PTPRR: variants seen among roughly 807,000 people sequenced by gnomAD.
The protein encoded by PTPRR is receptor-type tyrosine-protein phosphatase R.
Under a neutral mutation model 77.2 loss-of-function variants are expected in PTPRR, and 38 were observed. The ratio of observed to expected loss-of-function variants is 0.49; its 90% confidence interval spans 0.38 to 0.65. The LOEUF (loss-of-function observed/expected upper bound fraction) is 0.65. Ranked by LOEUF, PTPRR falls within the 30% of genes least tolerant of loss-of-function variation. The pLI is 0.00. For missense variants in PTPRR, 744 were observed against 799.2 expected (o/e 0.93, Z 0.83); for synonymous variants, 299 against 283.1 (o/e 1.06, Z -0.57).
chr12:70,802,048 T>C (rs769627623), intron 2 of PTPRR, among the ~76,000 whole-genome samples: 16 of 152,178 alleles, frequency 1.1e-4, no homozygotes, highest in Non-Finnish European at 1.9e-4. Context: ...AATCAGTTTG[T>C]CTTTAGCTCA....
chr12:70,874,244 C>G (rs528507647), intron 2 of PTPRR, among the ~76,000 whole-genome samples: 2 of 152,040 alleles, frequency 1.3e-5, no homozygotes, highest in Non-Finnish European at 2.9e-5. Context: ...CAAAAAAAGT[C>G]CCCTGATTTT....
intron 3 of PTPRR, among the ~76,000 whole-genome samples, chr12:70,763,938 G>C (rs1411798944): frequency 6.6e-6 from 1 of 151,634 alleles, no homozygotes; most frequent in African/African-American, 2.4e-5. Context: ...GGAAAGAGAG[G>C]AAATAATGGA....
intron 2 of PTPRR, among the ~76,000 whole-genome samples, chr12:70,850,983 A>C (rs1478420566): frequency 6.6e-6 from 1 of 152,120 alleles, no homozygotes; most frequent in African/African-American, 2.4e-5. Context: ...CTCATATACT[A>C]TGATTTCATA....
intron 6 of PTPRR, among the ~76,000 whole-genome samples, chr12:70,729,392 C>T (rs897320385): frequency 6.6e-6 from 1 of 151,922 alleles, no homozygotes; most frequent in Non-Finnish European, 1.5e-5. Flanking sequence ...CAACCCTGGA[C>T]CAGAGCTGTT....
At chr12:70,727,623 G>T (rs941000265) in intron 6 of PTPRR, among the ~76,000 whole-genome samples, 3 of 152,116 alleles carry the variant, frequency 2.0e-5, no homozygotes, top group Admixed American at 6.5e-5. Flanking sequence ...ACAGCCCTGG[G>T]AAACTCTAAA....
chr12:70,907,391 A>C (rs1893637948), intron 1 of PTPRR, among the ~76,000 whole-genome samples: 1 of 152,278 alleles, frequency 6.6e-6, no homozygotes, highest in South Asian at 2.1e-4. Context: ...TTCCACTGTC[A>C]GCCCAGCATA....
At chr12:70,914,510 C>G (rs760501653) in intron 1 of PTPRR, among the ~76,000 whole-genome samples, 14 of 151,962 alleles carry the variant, frequency 9.2e-5, no homozygotes, top group Non-Finnish European at 7.4e-5. Context: ...GAGTTTGAAA[C>G]CTTTAAGATG....
intron 2 of PTPRR, among the ~76,000 whole-genome samples, chr12:70,838,511 C>A (rs538048812): frequency 1.3e-5 from 2 of 152,092 alleles, no homozygotes; most frequent in Non-Finnish European, 2.9e-5. Flanking sequence ...TTGATTGAGA[C>A]TATTTGGGAG....
intron 8 of PTPRR, among the ~76,000 whole-genome samples, chr12:70,697,824 AC>A (rs199760319): frequency 0.029 from 4,348 of 152,218 alleles, 96 homozygotes; most frequent in South Asian, 0.11. Context: ...TTGACCCTTG[AC>A]AAAAATCAGG....
Position 70,669,505 on chromosome 12 carries a change from CTA to C in PTPRR, c.1498-6902_1498-6901del, listed in dbSNP as rs34973092. Among the ~76,000 whole-genome samples the C allele has an allele frequency of 4.4e-4, 62 of 141,930 alleles. 1 individual carries two copies. In the South Asian group the frequency reaches 0.011, roughly 24 times the overall value. 93.1% of individuals were successfully genotyped at this position (141,930 alleles called of 152,430 possible). A position where few individuals can be genotyped will look rare whatever the true frequency, so the allele number is the denominator to read the frequency against. The stretch of plus-strand genomic sequence containing the variant: ...GTGTGTGTGTGTATATATATACGAG[CTA>C]TATATATATATAAGCTATATATATA... On this transcript the variant is annotated intron_variant, in intron 10 of 13. Transcript: ENST00000283228.
chr12:70,856,247 G>A (rs1345143466), intron 2 of PTPRR, among the ~76,000 whole-genome samples: 4 of 152,132 alleles, frequency 2.6e-5, no homozygotes, highest in Non-Finnish European at 4.4e-5. Context: ...TGTCTATGGT[G>A]GGGAGAAAGA....
intron 8 of PTPRR, among the ~76,000 whole-genome samples, chr12:70,691,102 A>T (rs932588285): frequency 1.3e-5 from 2 of 152,158 alleles, no homozygotes; most frequent in Admixed American, 1.3e-4. Context: ...AACTTCTGAA[A>T]GAGTTTATTA....
intron 4 of PTPRR, chr12:70,754,810 ATC>A: frequency 1.4e-6 from 2 of 1,384,110 alleles, no homozygotes; most frequent in East Asian, 2.6e-5. Flanking sequence ...TTTTAATCAC[ATC>A]TTTTTTTTTT....
chr12:70,650,022 A>G (rs12310405), intron 13 of PTPRR, among the ~76,000 whole-genome samples: 52,015 of 152,128 alleles, frequency 0.34, 11,521 homozygotes, highest in African/African-American at 0.61. Flanking sequence ...GAGGAAATTC[A>G]TCTGTGGTCA....
intron 2 of PTPRR, among the ~76,000 whole-genome samples, chr12:70,886,143 C>T (rs1893236108): frequency 6.6e-6 from 1 of 152,124 alleles, no homozygotes; most frequent in Non-Finnish European, 1.5e-5. Flanking sequence ...CCAGCATCGT[C>T]CTTGCTGCTT....
At chr12:70,687,135 G>C (rs1420132665) in intron 8 of PTPRR, among the ~76,000 whole-genome samples, 2 of 151,766 alleles carry the variant, frequency 1.3e-5, no homozygotes, top group South Asian at 2.1e-4. Flanking sequence ...ATTTAGATTA[G>C]GAAATTGCAG....
chr12:70,661,018 G>T lies in PTPRR; in HGVS notation c.1688C>A (p.Pro563His). ...TACATCCAGCATGAGCTGTAGGAGG[G>T]GCTGGGCACTGTCTGGAGTCTTGTG... is the stretch of plus-strand genomic sequence containing the variant. ...PDHKTPDSAQ[P>H]LLQLMLDVEE... Residue 563 changes from proline to histidine, a missense_variant, in exon 12 of 14, where the codon CCC (proline) becomes CAC (histidine). By Grantham distance (77) the Pro-to-His change is moderately conservative. This residue lies in a region of PTPRR where 170 missense variants were observed against 209.8 expected (regional missense o/e 0.81). Transcript: ENST00000283228. 1 of 1,613,708 alleles carries T rather than the reference G, an allele frequency of 6.2e-7. No homozygotes were observed.
intron 7 of PTPRR, among the ~76,000 whole-genome samples, chr12:70,699,298 TAACA>T: frequency 6.6e-6 from 1 of 152,336 alleles, no homozygotes; most frequent in African/African-American, 2.4e-5. Flanking sequence ...AAATTTAACT[TAACA>T]GTCTAATATT....
chr12:70,640,018 T>C (rs1158101671), intron 13 of PTPRR, among the ~76,000 whole-genome samples: 1 of 152,188 alleles, frequency 6.6e-6, no homozygotes, highest in African/African-American at 2.4e-5. Context: ...ATTTTCCTCT[T>C]GGTTATCACC....
Sources: gnomAD v4.1 joint callset for allele counts (sites outside exome capture counted in the v4.1 genomes callset) on GRCh38, gnomAD v4.1.1 for gene constraint, gnomAD v4.1.1 regional missense constraint, MANE v1.5 for transcripts, NCBI Gene and HGNC (gene_info 2026-07-23, HGNC 2026-07-21) for gene names.